INSRR: variants seen among roughly 807,000 people sequenced by gnomAD.
INSRR encodes the protein insulin receptor-related protein.
INSRR carries 114 observed loss-of-function variants against 130.0 expected under a neutral mutation model. The observed-to-expected ratio is 0.88, with a 90% CI of 0.75 to 1.02. The LOEUF is 1.02. INSRR is among the 50% of genes least tolerant of loss of function. The probability of loss-of-function intolerance (pLI) is 0.00; values close to 1 mark genes in which losing one functional copy is unlikely to be tolerated. For synonymous variants in INSRR, 674 were observed against 705.2 expected (o/e 0.96, Z 0.70); for missense variants, 1,657 against 1,735.2 (o/e 0.95, Z 0.80).
chr1:156,841,640 G>A, intron 20 of INSRR, 25 bp downstream of exon 20: 4 of 1,612,332 alleles, frequency 2.5e-6, no homozygotes, highest in Non-Finnish European at 3.4e-6. Context: ...CATCCCTGGA[G>A]CCCTGTGCTC....
At position 156,845,260 on chromosome 1, in the gene INSRR, G is replaced by A. The variant is rs1395101420; in HGVS notation, c.2253C>T (p.Leu751=). ...AATCCGAGCTGTTGCCCCCCAGCCGGAGGGGCCCAGCTGCCCGGCGGTGCC... is the reference window on the plus strand; with the variant it reads ...AATCCGAGCTGTTGCCCCCCAGCCGAAGGGGCCCAGCTGCCCGGCGGTGCC... ...SGRHRRAAGP[L]RLGGNSSDFE... Residue 751 remains leucine (L), a synonymous_variant, in exon 12 of 22, where the codon CTC becomes CTT. Transcript: ENST00000368195. 1 of 1,611,992 alleles carries A rather than the reference G, an allele frequency of 6.2e-7. No individual in the cohort carries two copies. The highest frequency in any genetic ancestry group is 2.2e-5 in the East Asian group (1 of 44,822).
rs916865675 is a variant in INSRR at position 156,849,296 on chromosome 1, C to T, written c.1394G>A (p.Arg465Gln). Reference sequence around the variant, plus strand: ...GGGGTTGATCTCAGCCTTGTTCTGCCGACCTCGCGTGCCTGTCACCTCCTC... The same window carrying T: ...GGGGTTGATCTCAGCCTTGTTCTGCTGACCTCGCGTGCCTGTCACCTCCTC... Reference protein sequence around the residue: ...RLEEVTGTRGRQNKAEINPRT... With the variant: ...RLEEVTGTRGQQNKAEINPRT... The change falls in exon 6 of 22, where the codon CGG becomes CAG. Residue 465 changes from arginine to glutamine, a missense_variant. Transcript: ENST00000368195. 6 of 1,613,814 alleles carry T rather than the reference C, an allele frequency of 3.7e-6. No individual in the cohort carries two copies. Among genetic ancestry groups the T allele is most frequent in the Middle Eastern group, 1.6e-4 (1 of 6,080 alleles).
chr1:156,856,609 C>T (rs1655411955), intron 1 of INSRR, among the ~76,000 whole-genome samples: 2 of 152,136 alleles, frequency 1.3e-5, no homozygotes, highest in Admixed American at 1.3e-4. Flanking sequence ...ACACTTAGTC[C>T]AGCGCCCACA....
At chr1:156,847,739 C>G (rs1655062002) in intron 7 of INSRR, among the ~76,000 whole-genome samples, 1 of 151,860 alleles carries the variant, frequency 6.6e-6, no homozygotes, top group Non-Finnish European at 1.5e-5. Context: ...CTGAGCAGGT[C>G]TGGGTCTGTT....
At chr1:156,851,862 G>GT in intron 3 of INSRR, 26 bp downstream of exon 3, 1 of 1,574,380 alleles carries the variant, frequency 6.4e-7, no homozygotes, top group African/African-American at 1.3e-5. Context: ...TGCTCCCAGG[G>GT]TGCCCCCCAC....
intron 7 of INSRR, 64 bp from the exon 8 acceptor site, chr1:156,846,821 C>T (rs1235685850): frequency 1.6e-6 from 2 of 1,280,336 alleles, no homozygotes; most frequent in Non-Finnish European, 1.1e-6. Flanking sequence ...GGCACCCCCG[C>T]TCTGAATCAC....
intron 20 of INSRR, 65 bp from the exon 21 acceptor site, chr1:156,841,593 G>A: frequency 6.2e-7 from 1 of 1,610,612 alleles, no homozygotes; most frequent in Non-Finnish European, 8.5e-7. Flanking sequence ...TCCAAGGGAT[G>A]GGGGTGTTCC....
Position 156,854,334 on chromosome 1 carries a change from T to C in INSRR, c.86-31A>G. The C allele has an allele frequency of 6.4e-7, 1 of 1,568,838 alleles. No individual in the cohort carries two copies. Among genetic ancestry groups the C allele is most frequent in the Non-Finnish European group, 8.6e-7 (1 of 1,157,978 alleles). On this transcript the variant is annotated intron_variant, in intron 1 of 21. Transcript: ENST00000368195. This position sits in a 1 kb window ranked among gnomAD's most constrained non-coding sequence, Gnocchi z 4.2. ...GGCATACACGGCACGCAGCATTGAG[T>C]ACAGCCCAGGCCAAATTCCCCATCC...
chr1:156,853,993 C>T lies in INSRR; in HGVS notation c.396G>A (p.Gly132=), dbSNP rs1655323571. ...CACGCACAGCCCCACGCAGCACGGCCCCAAGTGCAGGCAGTGCCACGTCAC... is the reference window on the plus strand; with the variant it reads ...CACGCACAGCCCCACGCAGCACGGCTCCAAGTGCAGGCAGTGCCACGTCAC... ...HLRDVALPAL[G]AVLRGAVRVE... is the part of the protein sequence containing the mutation. Residue 132 remains glycine (G), a synonymous_variant, in exon 2 of 22, where the codon GGG becomes GGA. Transcript: ENST00000368195. The T allele has an allele frequency of 8.1e-6, 13 of 1,613,690 alleles. No individual in the cohort carries two copies. The East Asian group carries it at 2.9e-4, about 36-fold the overall frequency.
At position 156,848,906 on chromosome 1, in the gene INSRR, GC is replaced by G. The variant is rs1553259072; in HGVS notation, c.1571+14del. 1.4e-6 allele frequency: 2 copies of G among 1,478,934 alleles called. No homozygotes were observed. The highest frequency in any genetic ancestry group is 1.8e-6 in the Non-Finnish European group (2 of 1,094,170). The allele number at this position is 1,478,934 out of a possible 1,614,324, so 91.6% of individuals were successfully genotyped here. On this transcript the variant is annotated intron_variant, in intron 7 of 21. Transcript: ENST00000368195. ...CCGGTCCCGCCCCCGCTCCGGCCCC[GC>G]CCCCGGCACTCACGACTCCTTGTAG...
At position 156,847,128 on chromosome 1, in the gene INSRR, G is replaced by C. The variant is rs552709691; in HGVS notation, c.1572-371C>G. Among the ~76,000 whole-genome samples the C allele has an allele frequency of 5.9e-5, 9 of 152,320 alleles. No individual in the cohort carries two copies. The East Asian group carries it at 1.7e-3, about 29-fold the overall frequency. The stretch of plus-strand genomic sequence containing the variant: ...TAATTCCCCTAAGTCTAATTGCCTG[G>C]AACGAGGAACAGGAGACTGCTCCCT... On this transcript the variant is annotated intron_variant, in intron 7 of 21. Coordinates refer to ENST00000368195, the MANE Select transcript of INSRR (RefSeq NM_014215.3).
In INSRR at chr1:156,844,811, A is replaced by G. The variant is rs915893744; in HGVS notation, c.2470T>C (p.Trp824Arg). ...ACACTGTTCTTGCTGGAGGCCTCCC[A>G]GGCCACCTTTCCTGGAATACCATCA... is the stretch of plus-strand genomic sequence containing the variant. ...EADGIPGKVAWEASSKNSVLL... is the reference protein window; with the variant it reads ...EADGIPGKVAREASSKNSVLL... Residue 824 changes from tryptophan (W) to arginine (R), a missense_variant, in exon 13 of 22, where the codon TGG (tryptophan) becomes CGG (arginine). Coordinates refer to ENST00000368195, the MANE Select transcript of INSRR (RefSeq NM_014215.3). 8 of 1,614,014 alleles carry G rather than the reference A, an allele frequency of 5.0e-6. No homozygotes were observed. In the African/African-American group the frequency reaches 1.1e-4, roughly 22 times the overall value.
chr1:156,858,553 G>A lies in INSRR; in HGVS notation c.69C>T (p.Gly23=), dbSNP rs1425442056. 6.2e-6 allele frequency: 10 copies of A among 1,613,812 alleles called. No homozygotes were observed. Among genetic ancestry groups the A allele is most frequent in the Non-Finnish European group, 8.5e-6 (10 of 1,179,858 alleles). Residue 23 remains glycine, a synonymous_variant, in exon 1 of 22, where the codon GGC becomes GGT. Coordinates refer to ENST00000368195, the MANE Select transcript of INSRR (RefSeq NM_014215.3). ...GGGACTCACCCTCTACTGTATCCAG[G>A]CCAAATCCCAAGGAGAGGAAGATCA... is the stretch of plus-strand genomic sequence containing the variant. ...LPVIFLSLGF[G]LDTVEVCPSL... is the part of the protein sequence containing the mutation.
intron 1 of INSRR, among the ~76,000 whole-genome samples, chr1:156,855,335 C>T (rs1268219924): frequency 6.6e-6 from 1 of 152,148 alleles, no homozygotes; most frequent in Non-Finnish European, 1.5e-5. Context: ...TCCCGAGTAG[C>T]TGGGATTACA....
intron 17 of INSRR, 47 bp downstream of exon 17, chr1:156,842,957 C>T (rs753665667): frequency 1.4e-6 from 2 of 1,436,330 alleles, no homozygotes; most frequent in Non-Finnish European, 2.0e-6. Context: ...TACCACATGA[C>T]CTTTACACTA....
chr1:156,849,502 GC>G, intron 5 of INSRR, 42 bp from the exon 6 acceptor site: 1 of 934,040 alleles, frequency 1.1e-6, no homozygotes, highest in Non-Finnish European at 1.7e-6. Context: ...GGAGGTGGGG[GC>G]AGGGGGTGGG....
intron 1 of INSRR, among the ~76,000 whole-genome samples, chr1:156,855,028 T>A (rs1411041317): frequency 6.6e-6 from 1 of 152,182 alleles, no homozygotes; most frequent in Non-Finnish European, 1.5e-5. Flanking sequence ...GCTTTACTAC[T>A]ATAACAAGCC....
intron 1 of INSRR, among the ~76,000 whole-genome samples, chr1:156,855,150 A>G (rs1221234125): frequency 7.6e-6 from 1 of 131,250 alleles, no homozygotes; most frequent in East Asian, 2.2e-4. Context: ...CCCCTTCTCA[A>G]TGAGGCCTTC....
chr1:156,851,987 G>A lies in INSRR; in HGVS notation c.842C>T (p.Ala281Val), dbSNP rs1655230290. The A allele has an allele frequency of 1.2e-6, 2 of 1,611,054 alleles. No individual in the cohort carries two copies. The highest frequency in any genetic ancestry group is 2.2e-5 in the South Asian group (2 of 91,016). Reference protein sequence around the residue: ...SWRCVTAERCASLHSVPGRAS... With the variant: ...SWRCVTAERCVSLHSVPGRAS... ...ACGGCCGGGCACAGAGTGCAGGCTG[G>A]CACAGCGCTCAGCTGTGACACAGCG... is the stretch of plus-strand genomic sequence containing the variant. The change falls in exon 3 of 22, where the codon GCC becomes GTC. Residue 281 changes from alanine (A) to valine (V), a missense_variant. Ala to Val is a moderately conservative substitution (Grantham distance 64). Transcript: ENST00000368195.
Sources: gnomAD v4.1 joint callset for allele counts (sites outside exome capture counted in the v4.1 genomes callset) on GRCh38, gnomAD v4.1.1 for gene constraint, Gnocchi (gnomAD v3.1) non-coding constraint, MANE v1.5 for transcripts, NCBI Gene and HGNC (gene_info 2026-07-23, HGNC 2026-07-21) for gene names.